The following CSMD1 variants were observed in gnomAD, a reference collection of about 807,000 sequenced individuals.
CSMD1 encodes CUB and sushi domain-containing protein 1.
Under a neutral mutation model 417.5 loss-of-function variants are expected in CSMD1, and 213 were observed. That is an observed-to-expected ratio of 0.51 (90% CI 0.46 to 0.57). CSMD1 has a LOEUF of 0.57. CSMD1 is among the 20% of genes least tolerant of loss of function. CSMD1 has a pLI of 0.00. For missense variants in CSMD1, 6,923 were observed against 4,529.7 expected (o/e 1.53, Z -15.17); for synonymous variants, 2,862 against 1,736.8 (o/e 1.65, Z -16.11).
chr8:3,379,799 A>G (rs1196886392), intron 18 of CSMD1, among the ~76,000 whole-genome samples: 1 of 152,204 alleles, frequency 6.6e-6, no homozygotes, highest in Non-Finnish European at 1.5e-5. Context: ...AAAACCCTAG[A>G]AGAAAACATA....
At position 3,841,441 on chromosome 8, in the gene CSMD1, G is replaced by C. The variant is rs544204928; in HGVS notation, c.819-87399C>G. 1.8e-4 allele frequency among the ~76,000 whole-genome samples: 28 copies of C among 152,190 alleles called. No individual in the cohort carries two copies. The South Asian group carries it at 5.0e-3, about 27-fold the overall frequency. On this transcript the variant is annotated intron_variant, in intron 5 of 69. Coordinates refer to ENST00000635120, the MANE Select transcript of CSMD1 (RefSeq NM_033225.6). The stretch of plus-strand genomic sequence containing the variant: ...AGAAGAAAACAACAAAACAATCTTT[G>C]ACATTCTTTCACTTGCAAGACCAAG...
intron 3 of CSMD1, among the ~76,000 whole-genome samples, chr8:4,161,121 TA>T (rs56718091): frequency 0.63 from 93,606 of 148,752 alleles, 30,335 homozygotes; most frequent in Non-Finnish European, 0.72. Context: ...ACAAATAATG[TA>T]AAAAAAAAAA....
At chr8:4,786,167 C>G (rs1797391780) in intron 1 of CSMD1, among the ~76,000 whole-genome samples, 1 of 152,182 alleles carries the variant, frequency 6.6e-6, no homozygotes, top group Admixed American at 6.5e-5. Context: ...TGAGCCCTGA[C>G]AACCCACCTG....
chr8:4,369,900 G>A (rs66832422), intron 3 of CSMD1, among the ~76,000 whole-genome samples: 46,753 of 151,886 alleles, frequency 0.31, 7,202 homozygotes, highest in East Asian at 0.4. Flanking sequence ...TTCCATTTGG[G>A]TAAAATGTAT....
intron 25 of CSMD1, among the ~76,000 whole-genome samples, chr8:3,304,520 G>A (rs971635507): frequency 4.6e-5 from 7 of 152,078 alleles, no homozygotes; most frequent in African/African-American, 1.7e-4. Flanking sequence ...TAAGTTGATT[G>A]TCAATTGAGG....
intron 7 of CSMD1, among the ~76,000 whole-genome samples, chr8:3,692,089 C>T (rs984007685): frequency 6.6e-6 from 1 of 152,162 alleles, no homozygotes; most frequent in Non-Finnish European, 1.5e-5. Context: ...CGCAATCATC[C>T]TCTGACTCAT....
chr8:3,719,465 G>A (rs111945609), intron 6 of CSMD1, among the ~76,000 whole-genome samples: 51 of 152,242 alleles, frequency 3.3e-4, no homozygotes, highest in African/African-American at 1.2e-3. Flanking sequence ...AGAAAAGTGG[G>A]TGGTATTTAA....
At chr8:3,826,302 G>A (rs975826895) in intron 5 of CSMD1, among the ~76,000 whole-genome samples, 2 of 151,696 alleles carry the variant, frequency 1.3e-5, no homozygotes, top group African/African-American at 4.8e-5. Flanking sequence ...AGGAGGTTGA[G>A]ATTGTCTTAA....
intron 6 of CSMD1, among the ~76,000 whole-genome samples, chr8:3,730,856 G>A (rs2720815): frequency 3.3e-5 from 5 of 152,148 alleles, no homozygotes; most frequent in Admixed American, 3.3e-4. Context: ...AATTATGCTA[G>A]AGGTGATAAG....
intron 10 of CSMD1, among the ~76,000 whole-genome samples, chr8:3,511,706 T>A (rs1357077748): frequency 6.7e-6 from 1 of 149,066 alleles, no homozygotes. Context: ...TGTGGTGAGA[T>A]GAGATCACTA....
intron 3 of CSMD1, among the ~76,000 whole-genome samples, chr8:4,134,457 C>G (rs751329762): frequency 1.3e-5 from 2 of 152,120 alleles, no homozygotes; most frequent in Non-Finnish European, 2.9e-5. Flanking sequence ...AGAGAAAGAC[C>G]TGAGGAGATA....
chr8:3,203,998 A>G (rs1393460581), intron 31 of CSMD1, among the ~76,000 whole-genome samples: 2 of 152,162 alleles, frequency 1.3e-5, no homozygotes, highest in East Asian at 1.9e-4. Context: ...GCATCCCTGT[A>G]CTTACAAATA....
At chr8:4,276,882 A>C (rs1178771214) in intron 3 of CSMD1, among the ~76,000 whole-genome samples, 1 of 152,232 alleles carries the variant, frequency 6.6e-6, no homozygotes, top group Non-Finnish European at 1.5e-5. Context: ...AAAAACATTT[A>C]AATACATAGT....
chr8:4,742,216 G>C (rs1030655335), intron 1 of CSMD1, among the ~76,000 whole-genome samples: 1 of 150,650 alleles, frequency 6.6e-6, no homozygotes, highest in Non-Finnish European at 1.5e-5. Flanking sequence ...ATTTTTAGTA[G>C]AGACGGGGTT....
chr8:3,600,689 G>C lies in CSMD1; in HGVS notation c.1098-14429C>G, dbSNP rs191093127. Among the ~76,000 whole-genome samples, 5 of 152,174 alleles carry C rather than the reference G, an allele frequency of 3.3e-5. No individual in the cohort carries two copies. In the East Asian group the frequency reaches 5.8e-4, roughly 18 times the overall value. ...ACCATTGCTCTGGTCTAAAGCGAAA[G>C]TCTGCAGGGGCGGTAATTTTACTGA... On this transcript the variant is annotated intron_variant, in intron 8 of 69. Transcript: ENST00000635120.
chr8:4,026,321 T>C (rs919014129), intron 4 of CSMD1, among the ~76,000 whole-genome samples: 3 of 152,190 alleles, frequency 2.0e-5, no homozygotes, highest in Non-Finnish European at 4.4e-5. Flanking sequence ...AAAATTTAAA[T>C]GTAAATGTAA....
intron 1 of CSMD1, among the ~76,000 whole-genome samples, chr8:4,875,482 G>A (rs932187224): frequency 7.2e-5 from 11 of 152,132 alleles, no homozygotes; most frequent in African/African-American, 2.4e-4. Context: ...GATGCAAAGC[G>A]TCTCACTTGA....
At chr8:3,029,716 C>T (rs974443600) in intron 50 of CSMD1, among the ~76,000 whole-genome samples, 1 of 150,256 alleles carries the variant, frequency 6.7e-6, no homozygotes, top group South Asian at 2.1e-4. Flanking sequence ...TCAATTGCCT[C>T]ACTACAGATG....
chr8:4,288,371 G>C (rs887340889), intron 3 of CSMD1, among the ~76,000 whole-genome samples: 1 of 152,142 alleles, frequency 6.6e-6, no homozygotes, highest in East Asian at 1.9e-4. Context: ...TGATTCCAGA[G>C]AGGCTATCTT....
Sources: gnomAD v4.1 joint callset for allele counts (sites outside exome capture counted in the v4.1 genomes callset) on GRCh38, gnomAD v4.1.1 for gene constraint, MANE v1.5 for transcripts, NCBI Gene and HGNC (gene_info 2026-07-23, HGNC 2026-07-21) for gene names.